The following NBEA variants were observed in gnomAD, a reference collection of about 807,000 sequenced individuals.
NBEA encodes lysosomal-trafficking regulator 2.
NBEA carries 44 observed loss-of-function variants against 343.4 expected under a neutral mutation model. The ratio of observed to expected loss-of-function variants is 0.13; its 90% CI spans 0.10 to 0.16. The LOEUF (loss-of-function observed/expected upper bound fraction) is 0.16, where lower values mean the gene tolerates loss of function less well. Among genes scored for constraint, NBEA ranks in the 10% least tolerant of loss-of-function variants. The pLI, the probability that NBEA is intolerant of heterozygous loss-of-function variation, is 1.00. For missense variants in NBEA, 2,555 were observed against 3,631.3 expected, an observed-to-expected ratio of 0.70 and a Z score of 7.62; for synonymous variants, 1,175 against 1,238.7, an observed-to-expected ratio of 0.95 and a Z score of 1.08.
intron 34 of NBEA, among the ~76,000 whole-genome samples, chr13:35,277,941 A>T (rs2034743726): frequency 6.6e-6 from 1 of 151,432 alleles, no homozygotes; most frequent in Admixed American, 6.6e-5. Context: ...TACAAAACTT[A>T]GCCAGTGTGG....
chr13:35,101,320 A>AT (rs542532761), intron 11 of NBEA, among the ~76,000 whole-genome samples: 43 of 151,836 alleles, frequency 2.8e-4, no homozygotes, highest in African/African-American at 4.6e-4. Flanking sequence ...TAAGAGTTCC[A>AT]TTTTTTCCAC....
At position 35,543,324 on chromosome 13, in the gene NBEA, C is replaced by T. The variant is rs759190558; in HGVS notation, c.6586-7153C>T. Among the ~76,000 whole-genome samples, 71 of 152,206 alleles carry T rather than the reference C, an allele frequency of 4.7e-4. 1 individual carries two copies. The highest frequency in any genetic ancestry group is 3.4e-3 in the Middle Eastern group (1 of 294). ...TATAGAGGTGTTGAAAAATCTTGTT[C>T]ACATAAGTAAACAGCATGTCGAAGT... On this transcript the variant is annotated intron_variant, in intron 41 of 58. Coordinates refer to ENST00000379939, the MANE Select transcript of NBEA (RefSeq NM_001385012.1).
chr13:34,996,293 C>A (rs949153671), intron 1 of NBEA, among the ~76,000 whole-genome samples: 1 of 151,950 alleles, frequency 6.6e-6, no homozygotes. Context: ...TTTTAGAAAA[C>A]TGTTGATAGA....
At chr13:35,208,576 AT>A (rs1330259041) in intron 31 of NBEA, 123 bp from the exon 32 acceptor site, 463 of 807,568 alleles carry the variant, frequency 5.7e-4, no homozygotes, top group Non-Finnish European at 6.6e-4. Flanking sequence ...GGAGTTTAAA[AT>A]TTTTTTTTAA....
At chr13:34,982,652 A>G (rs921310545) in intron 1 of NBEA, among the ~76,000 whole-genome samples, 2 of 152,164 alleles carry the variant, frequency 1.3e-5, no homozygotes, top group East Asian at 3.9e-4. Context: ...TGTGGACTTC[A>G]GTACTTTTAA....
chr13:35,145,695 G>T lies in NBEA; in HGVS notation c.2445+3318G>T, dbSNP rs114265874. ...AATAGTGACAGTCAAGGCATAAAGG[G>T]ATACAAAAGAAAGCATCTTTAAGAT... On this transcript the variant is annotated intron_variant, in intron 18 of 58. Coordinates refer to ENST00000379939, the MANE Select transcript of NBEA (RefSeq NM_001385012.1). Among the ~76,000 whole-genome samples the T allele has an allele frequency of 1.9e-3, 289 of 152,302 alleles. 2 individuals carry two copies. Among genetic ancestry groups the T allele is most frequent in the African/African-American group, 6.8e-3 (282 of 41,562 alleles).
intron 13 of NBEA, among the ~76,000 whole-genome samples, chr13:35,116,072 T>C (rs2066479062): frequency 6.6e-6 from 1 of 152,126 alleles, no homozygotes; most frequent in Admixed American, 6.6e-5. Context: ...GGTGAGGGCT[T>C]TGGCATGCAG....
intron 34 of NBEA, among the ~76,000 whole-genome samples, chr13:35,281,124 C>T (rs2035023187): frequency 1.3e-5 from 2 of 151,960 alleles, no homozygotes; most frequent in Non-Finnish European, 2.9e-5. Flanking sequence ...AATTCAATGA[C>T]ATGTAATTTT....
intron 36 of NBEA, among the ~76,000 whole-genome samples, chr13:35,319,614 T>G (rs1276801828): frequency 6.6e-6 from 1 of 152,198 alleles, no homozygotes; most frequent in Non-Finnish European, 1.5e-5. Flanking sequence ...TAGGTCCACT[T>G]GGTCCAGAGC....
intron 36 of NBEA, among the ~76,000 whole-genome samples, chr13:35,340,221 C>T (rs1308953903): frequency 1.3e-5 from 2 of 152,074 alleles, no homozygotes; most frequent in East Asian, 3.9e-4. Flanking sequence ...AAGGTTAAAG[C>T]AACCAAAATG....
chr13:35,313,105 T>G (rs2037479400), intron 36 of NBEA, among the ~76,000 whole-genome samples: 1 of 152,174 alleles, frequency 6.6e-6, no homozygotes, highest in African/African-American at 2.4e-5. Flanking sequence ...TACTCCTGTT[T>G]CTGCTGGGAA....
chr13:35,270,247 A>G (rs1203109918), intron 34 of NBEA, among the ~76,000 whole-genome samples: 1 of 152,236 alleles, frequency 6.6e-6, no homozygotes, highest in Non-Finnish European at 1.5e-5. Context: ...TGTCATAAAC[A>G]AACATTTAAA....
At chr13:35,313,667 G>C (rs965039192) in intron 36 of NBEA, among the ~76,000 whole-genome samples, 2 of 152,140 alleles carry the variant, frequency 1.3e-5, no homozygotes, top group African/African-American at 4.8e-5. Context: ...ACAGTCTAGT[G>C]TGGGCAACAG....
At chr13:35,373,364 T>A (rs536584489) in intron 38 of NBEA, among the ~76,000 whole-genome samples, 17 of 152,202 alleles carry the variant, frequency 1.1e-4, no homozygotes, top group Non-Finnish European at 2.1e-4. Flanking sequence ...ATATGTGTTA[T>A]ATACTGTATT....
intron 38 of NBEA, among the ~76,000 whole-genome samples, chr13:35,377,030 T>C (rs2041779922): frequency 6.6e-6 from 1 of 152,178 alleles, no homozygotes; most frequent in South Asian, 2.1e-4. Flanking sequence ...TCATGATTCC[T>C]TGAAGAGCTA....
chr13:35,668,752 G>GA (rs1271724249), intron 58 of NBEA, among the ~76,000 whole-genome samples: 1 of 152,224 alleles, frequency 6.6e-6, no homozygotes, highest in Non-Finnish European at 1.5e-5. Flanking sequence ...GGTGCCTGCA[G>GA]ACATGTTTTA....
At chr13:35,084,995 A>C (rs2064660088) in intron 10 of NBEA, among the ~76,000 whole-genome samples, 1 of 152,204 alleles carries the variant, frequency 6.6e-6, no homozygotes, top group Non-Finnish European at 1.5e-5. Flanking sequence ...GAAATGGATG[A>C]ATTCCTCGAC....
At chr13:35,317,130 C>T (rs2037794464) in intron 36 of NBEA, among the ~76,000 whole-genome samples, 1 of 152,156 alleles carries the variant, frequency 6.6e-6, no homozygotes, top group Non-Finnish European at 1.5e-5. Flanking sequence ...TCCCATTTGT[C>T]AATTTTGGCT....
chr13:35,391,542 T>A (rs191318996), intron 38 of NBEA, among the ~76,000 whole-genome samples: 5 of 152,326 alleles, frequency 3.3e-5, no homozygotes, highest in Non-Finnish European at 5.9e-5. Context: ...CAAGTTTACC[T>A]TGCTTTGCTA....
Sources: gnomAD v4.1 joint callset for allele counts (sites outside exome capture counted in the v4.1 genomes callset) on GRCh38, gnomAD v4.1.1 for gene constraint, MANE v1.5 for transcripts, NCBI Gene and HGNC (gene_info 2026-07-23, HGNC 2026-07-21) for gene names.